RAB6A: variants seen among roughly 807,000 people sequenced by gnomAD.
RAB6A encodes the protein ras-related protein Rab-6A.
RAB6A carries 8 observed loss-of-function variants against 32.3 expected under a neutral mutation model. That is an observed-to-expected ratio of 0.25 (90% CI 0.15 to 0.45). RAB6A has a LOEUF of 0.45. Among genes scored for constraint, RAB6A ranks in the 20% least tolerant of loss-of-function variants. RAB6A has a pLI of 1.00. For missense variants in RAB6A, 104 were observed against 249.4 expected (o/e 0.42, Z 3.93); for synonymous variants, 73 against 82.1 (o/e 0.89, Z 0.60).
At chr11:73,698,752 G>C (rs956356137) in intron 6 of RAB6A, among the ~76,000 whole-genome samples, 1 of 150,878 alleles carries the variant, frequency 6.6e-6, no homozygotes, top group African/African-American at 2.5e-5. Flanking sequence ...AGGTAGTCTT[G>C]TATCATACAT....
At chr11:73,744,661 A>T (rs1590886784) in intron 1 of RAB6A, among the ~76,000 whole-genome samples, 1 of 152,296 alleles carries the variant, frequency 6.6e-6, no homozygotes, top group East Asian at 1.9e-4. Flanking sequence ...ACTCTAAAAG[A>T]ATATTCCAGT....
rs558873272 is a variant in RAB6A, at chr11:73,739,811, C to G, written c.71-8988G>C. On this transcript the variant is annotated intron_variant, in intron 1 of 7. Coordinates refer to ENST00000336083, the MANE Select transcript of RAB6A (RefSeq NM_198896.2). The stretch of plus-strand genomic sequence containing the variant: ...GTGGCTCATGCCTGTAATCCCAGCA[C>G]TTTGGGAGGCCCGGGCGGGCAGATC... Among the ~76,000 whole-genome samples, 4 of 152,254 alleles carry G rather than the reference C, an allele frequency of 2.6e-5. No individual in the cohort carries two copies. In the South Asian group the frequency reaches 8.3e-4, roughly 32 times the overall value.
chr11:73,747,591 T>C (rs1440116220), intron 1 of RAB6A, among the ~76,000 whole-genome samples: 1 of 152,196 alleles, frequency 6.6e-6, no homozygotes, highest in African/African-American at 2.4e-5. Context: ...AACTAAACTA[T>C]GTAACTTATT....
chr11:73,694,780 A>C (rs1288040069), intron 6 of RAB6A, among the ~76,000 whole-genome samples: 1 of 152,202 alleles, frequency 6.6e-6, no homozygotes, highest in East Asian at 1.9e-4. Flanking sequence ...CTGGGAGGCC[A>C]AGGTGGGCAG....
In RAB6A at chr11:73,720,867, A is replaced by G; in HGVS notation, c.162T>C (p.Thr54=). ...ATIGIDFLSK[T]MYLEDRTVRL... ...TCACTGTTCGATCCTCCAAGTACAT[A>G]GTTTTTGATAAAAAGTCAATGCCAA... Residue 54 remains threonine, a synonymous_variant, in exon 3 of 8, where the codon ACT becomes ACC. Coordinates refer to ENST00000336083, the MANE Select transcript of RAB6A (RefSeq NM_198896.2). 6.2e-7 allele frequency: 1 copy of G among 1,610,412 alleles called. No homozygotes were observed. Among genetic ancestry groups the G allele is most frequent in the Non-Finnish European group, 8.5e-7 (1 of 1,177,990 alleles).
rs1393768393 is a variant in RAB6A, at chr11:73,760,077, A to C, written c.70+489T>G. 3.1e-6 allele frequency: 4 copies of C among 1,290,114 alleles called. 1 individual carries two copies. The South Asian group carries it at 4.9e-5, about 16-fold the overall frequency. The allele number at this position is 1,290,114 out of a possible 1,614,324, so 79.9% of individuals were successfully genotyped here. ...CACGACATCAGCACTTCGCAGGGCC[A>C]AGCCTCTGGGGAAAACAACGCCCAG... On this transcript the variant is annotated intron_variant, in intron 1 of 7. Coordinates refer to ENST00000336083, the MANE Select transcript of RAB6A (RefSeq NM_198896.2).
intron 7 of RAB6A, 105 bp from the exon 8 acceptor site, chr11:73,678,067 C>T (rs3825003): frequency 0.12 from 139,667 of 1,157,802 alleles, 9,941 homozygotes; most frequent in South Asian, 0.27. Context: ...TCTTCAGAGC[C>T]TACACACTCA....
intron 6 of RAB6A, among the ~76,000 whole-genome samples, chr11:73,686,349 A>G (rs1192879886): frequency 1.3e-5 from 2 of 152,144 alleles, no homozygotes; most frequent in African/African-American, 4.8e-5. Flanking sequence ...TGAGGTCAGG[A>G]GTTCGACCAG....
In RAB6A at chr11:73,744,412, G is replaced by A. The variant is rs79278905; in HGVS notation, c.71-13589C>T. 5.0e-4 allele frequency among the ~76,000 whole-genome samples: 74 copies of A among 148,470 alleles called. 1 individual carries two copies. The East Asian group carries it at 0.013, about 26-fold the overall frequency. On this transcript the variant is annotated intron_variant, in intron 1 of 7. Transcript: ENST00000336083. ...TGTGGTCCCAGCTACTCAGGAGGCT[G>A]AGGGAGGAGTATCACTTGAGCCCAG...
chr11:73,689,732 C>T (rs575237210), intron 6 of RAB6A, among the ~76,000 whole-genome samples: 3 of 152,170 alleles, frequency 2.0e-5, no homozygotes, highest in East Asian at 1.9e-4. Context: ...GTCATATGTA[C>T]GGACTGAGGT....
At chr11:73,743,293 A>G (rs1412848598) in intron 1 of RAB6A, among the ~76,000 whole-genome samples, 1 of 148,188 alleles carries the variant, frequency 6.7e-6, no homozygotes, top group Non-Finnish European at 1.5e-5. Context: ...CAACAGAGCG[A>G]AACTCTGTCT....
chr11:73,714,209 A>AATATAT lies in RAB6A; in HGVS notation c.401+2036_401+2041dup, dbSNP rs1555059763. The stretch of plus-strand genomic sequence containing the variant: ...CTCCATCTCAAAAAAAAAAAAAAAA[A>AATATAT]ATATATATATATATATATATACACA... On this transcript the variant is annotated intron_variant, in intron 5 of 7. Transcript: ENST00000336083. 3.9e-3 allele frequency among the ~76,000 whole-genome samples: 224 copies of AATATAT among 57,520 alleles called. 2 individuals carry two copies. Among genetic ancestry groups the AATATAT allele is most frequent in the African/African-American group, 0.011 (174 of 16,004 alleles). The allele number at this position is 57,520 out of a possible 152,430, so 37.7% of individuals were successfully genotyped here. A position where few individuals can be genotyped will look rare whatever the true frequency, so the allele number is the denominator to read the frequency against.
intron 2 of RAB6A, chr11:73,722,325 ATATATATATATATATATATTTT>A (rs1190092716): frequency 0.041 from 733 of 17,698 alleles, 42 homozygotes; most frequent in African/African-American, 0.11. Flanking sequence ...ATATATATAT[ATATATATATATATATATATTTT>A]TTTTTTTTTT....
chr11:73,714,209 A>AATATATATATATATATAT (rs1555059763), intron 5 of RAB6A, among the ~76,000 whole-genome samples: 10 of 57,558 alleles, frequency 1.7e-4, no homozygotes, highest in African/African-American at 5.0e-4. Flanking sequence ...AAAAAAAAAA[A>AATATATATATATATATAT]ATATATATAT....
chr11:73,707,633 G>C, intron 5 of RAB6A, 120 bp from the exon 6 acceptor site: 1 of 624,530 alleles, frequency 1.6e-6, no homozygotes, highest in South Asian at 2.6e-5. Context: ...GGTCACATTA[G>C]TTTAAAAATT....
chr11:73,749,609 C>T (rs545942363), intron 1 of RAB6A, among the ~76,000 whole-genome samples: 1 of 152,218 alleles, frequency 6.6e-6, no homozygotes, highest in Admixed American at 6.5e-5. Flanking sequence ...TTTGGGAGGC[C>T]GAGGCCAGAG....
At chr11:73,723,432 T>C (rs549991667) in intron 2 of RAB6A, among the ~76,000 whole-genome samples, 1 of 152,218 alleles carries the variant, frequency 6.6e-6, no homozygotes, top group East Asian at 1.9e-4. Context: ...TTCAAGCAAT[T>C]GTCCTGCCTC....
intron 5 of RAB6A, among the ~76,000 whole-genome samples, chr11:73,711,135 C>G (rs1466474699): frequency 6.6e-6 from 1 of 152,108 alleles, no homozygotes; most frequent in Non-Finnish European, 1.5e-5. Flanking sequence ...GCGGGCACCA[C>G]CAGGACTTGA....
At chr11:73,690,744 C>G (rs1945541789) in intron 6 of RAB6A, among the ~76,000 whole-genome samples, 2 of 147,394 alleles carry the variant, frequency 1.4e-5, no homozygotes, top group Non-Finnish European at 3.0e-5. Flanking sequence ...AACGGAATTC[C>G]AGGGTTCTGA....
Sources: gnomAD v4.1 joint callset for allele counts (sites outside exome capture counted in the v4.1 genomes callset) on GRCh38, gnomAD v4.1.1 for gene constraint, MANE v1.5 for transcripts, NCBI Gene and HGNC (gene_info 2026-07-23, HGNC 2026-07-21) for gene names.